The following MDGA2 variants were observed in gnomAD, a reference collection of about 807,000 sequenced individuals.
MDGA2 encodes MAM domain containing glycosylphosphatidylinositol anchor 2.
MDGA2 carries 40 observed loss-of-function variants against 117.8 expected under a neutral mutation model. That is an observed-to-expected ratio of 0.34 (90% CI 0.26 to 0.44). The LOEUF is 0.44. Among genes scored for constraint, MDGA2 ranks in the 20% least tolerant of loss-of-function variants. The probability of loss-of-function intolerance (pLI) is 1.00; values close to 1 mark genes in which losing one functional copy is unlikely to be tolerated. For synonymous variants in MDGA2, 452 were observed against 439.0 expected (o/e 1.03, Z -0.37); for missense variants, 1,123 against 1,250.6 (o/e 0.90, Z 1.54).
chr14:47,272,417 T>C (rs1385453062), intron 2 of MDGA2, among the ~76,000 whole-genome samples: 3 of 152,030 alleles, frequency 2.0e-5, no homozygotes, highest in Non-Finnish European at 4.4e-5. Flanking sequence ...AAGATAGAAA[T>C]AGAGATTAAA....
At chr14:46,888,920 C>T (rs1048123061) in intron 10 of MDGA2, among the ~76,000 whole-genome samples, 9 of 151,844 alleles carry the variant, frequency 5.9e-5, no homozygotes, top group Admixed American at 2.6e-4. Flanking sequence ...TGTTTAGCAA[C>T]CATACTGATA....
chr14:47,190,372 A>G (rs1400739522), intron 3 of MDGA2, among the ~76,000 whole-genome samples: 2 of 152,216 alleles, frequency 1.3e-5, no homozygotes, highest in African/African-American at 2.4e-5. Context: ...TTGGGCTGAA[A>G]TATTAGAAAG....
intron 1 of MDGA2, among the ~76,000 whole-genome samples, chr14:47,492,990 A>C (rs1237444874): frequency 6.6e-6 from 1 of 152,024 alleles, no homozygotes; most frequent in Non-Finnish European, 1.5e-5. Context: ...TGCTACATTT[A>C]TCTTTTAATT....
At chr14:47,530,134 C>A (rs2138730174) in intron 1 of MDGA2, among the ~76,000 whole-genome samples, 1 of 152,236 alleles carries the variant, frequency 6.6e-6, no homozygotes, top group South Asian at 2.1e-4. Context: ...AGCAGATGTT[C>A]ATAGCTCTGG....
rs115705596 is a variant in MDGA2, at chr14:47,017,514, C to T, written c.1819+17497G>A. On this transcript the variant is annotated intron_variant, in intron 8 of 16. Coordinates refer to ENST00000399232, the MANE Select transcript of MDGA2 (RefSeq NM_001113498.3). ...AGAAGAGTCGAGGAACAAAGTATGA[C>T]ACAGTCTGAGGATTTAACCAACCCT... 3.8e-3 allele frequency among the ~76,000 whole-genome samples: 580 copies of T among 152,128 alleles called. 7 individuals carry two copies. Among genetic ancestry groups the T allele is most frequent in the African/African-American group, 0.013 (552 of 41,548 alleles).
chr14:46,889,564 T>C (rs1328195077), intron 10 of MDGA2, among the ~76,000 whole-genome samples: 1 of 152,132 alleles, frequency 6.6e-6, no homozygotes, highest in Non-Finnish European at 1.5e-5. Flanking sequence ...TGCATAGCAT[T>C]TATTTTTTAT....
At chr14:47,125,303 C>T (rs112928945) in intron 5 of MDGA2, among the ~76,000 whole-genome samples, 1 of 151,996 alleles carries the variant, frequency 6.6e-6, no homozygotes, top group Non-Finnish European at 1.5e-5. Context: ...CCACAGCTAT[C>T]AAAATTTATA....
At chr14:47,437,374 T>C (rs1341984275) in intron 1 of MDGA2, among the ~76,000 whole-genome samples, 2 of 152,186 alleles carry the variant, frequency 1.3e-5, no homozygotes, top group Non-Finnish European at 1.5e-5. Context: ...CAAGGGCATA[T>C]GGTAAATCTC....
rs1260446819 is a variant in MDGA2 at position 47,198,495 on chromosome 14, C to A, written c.595+19526G>T. 2.6e-5 allele frequency among the ~76,000 whole-genome samples: 4 copies of A among 152,086 alleles called. No homozygotes were observed. The East Asian group carries it at 7.7e-4, about 29-fold the overall frequency. The stretch of plus-strand genomic sequence containing the variant: ...GCTGAGGCAGGAGAATGGCGTGAAC[C>A]CGGGAGGTGGAGTTTGCAGTGAGCG... On this transcript the variant is annotated intron_variant, in intron 3 of 16. Transcript: ENST00000399232.
chr14:46,870,631 G>T (rs760638436), intron 14 of MDGA2, among the ~76,000 whole-genome samples: 21 of 151,966 alleles, frequency 1.4e-4, no homozygotes, highest in Non-Finnish European at 2.5e-4. Flanking sequence ...TACCCAGCCT[G>T]CAACCTTCAG....
At chr14:46,839,966 C>A (rs1438754881), downstream of MDGA2, 1 of 151,968 alleles carries the variant, frequency 6.6e-6, no homozygotes, top group Non-Finnish European at 1.5e-5. Context: ...ATTAAAATTT[C>A]TTTCTGCAGA....
At chr14:46,967,207 G>GA (rs1886070438) in intron 8 of MDGA2, among the ~76,000 whole-genome samples, 1 of 152,106 alleles carries the variant, frequency 6.6e-6, no homozygotes, top group Non-Finnish European at 1.5e-5. Context: ...AAGAGGAGTT[G>GA]AAACAGTCCT....
chr14:47,172,054 G>A (rs1884169612), intron 3 of MDGA2, among the ~76,000 whole-genome samples: 2 of 152,096 alleles, frequency 1.3e-5, no homozygotes, highest in African/African-American at 2.4e-5. Flanking sequence ...CTAGCACAGT[G>A]GTCTGAGATC....
At chr14:47,017,739 A>G (rs1888135794) in intron 8 of MDGA2, among the ~76,000 whole-genome samples, 1 of 152,136 alleles carries the variant, frequency 6.6e-6, no homozygotes, top group South Asian at 2.1e-4. Flanking sequence ...AGTGAAAAAT[A>G]TATGTTCTCA....
At chr14:47,490,659 G>T (rs897470534) in intron 1 of MDGA2, among the ~76,000 whole-genome samples, 4 of 152,080 alleles carry the variant, frequency 2.6e-5, no homozygotes, top group African/African-American at 9.7e-5. Context: ...GTGTTAAATT[G>T]TAGAATTTTA....
chr14:47,407,473 C>G (rs970372128), intron 1 of MDGA2, among the ~76,000 whole-genome samples: 4 of 152,076 alleles, frequency 2.6e-5, no homozygotes, highest in Admixed American at 1.3e-4. Context: ...CAACTGGAAT[C>G]TTTGTGAATT....
intron 4 of MDGA2, among the ~76,000 whole-genome samples, chr14:47,139,100 G>T (rs1952219): frequency 0.38 from 58,035 of 151,744 alleles, 11,784 homozygotes; most frequent in South Asian, 0.57. Context: ...TTAAAAACAA[G>T]ACATTATTAT....
chr14:47,009,801 G>A (rs992980075), intron 8 of MDGA2, among the ~76,000 whole-genome samples: 1 of 151,930 alleles, frequency 6.6e-6, no homozygotes, highest in Non-Finnish European at 1.5e-5. Flanking sequence ...CAACACTTTA[G>A]CATTCCGTAA....
At position 47,497,572 on chromosome 14, in the gene MDGA2, T is replaced by C. The variant is rs540792766; in HGVS notation, c.280+176945A>G. Among the ~76,000 whole-genome samples the C allele has an allele frequency of 7.9e-5, 12 of 152,262 alleles. No homozygotes were observed. The South Asian group carries it at 2.3e-3, about 29-fold the overall frequency. On this transcript the variant is annotated intron_variant, in intron 1 of 16. Transcript: ENST00000399232. ...CACACCTGGCCAATATTGAGTCTTT[T>C]AATATACAAATTCAGTTAATAGACT... is the stretch of plus-strand genomic sequence containing the variant.
Sources: allele counts gnomAD v4.1 joint callset (sites outside exome capture counted in the v4.1 genomes callset), GRCh38; gene constraint gnomAD v4.1.1; transcripts MANE v1.5; gene names NCBI Gene and HGNC (gene_info 2026-07-23, HGNC 2026-07-21).